Variants in HECW2 observed in about 807,000 individuals in gnomAD.
HECW2 encodes HECT, C2 and WW domain containing E3 ubiquitin protein ligase 2.
In HECW2, 61 loss-of-function variants were observed where a neutral mutation model predicts 175.2. That is an observed-to-expected ratio of 0.35 (90% confidence interval 0.28 to 0.43). The LOEUF (loss-of-function observed/expected upper bound fraction) is 0.43. HECW2 is among the 20% of genes least tolerant of loss of function. The pLI, the probability that HECW2 is intolerant of heterozygous loss-of-function variation, is 1.00. For missense variants in HECW2, 1,524 were observed against 2,000.5 expected, an observed-to-expected ratio of 0.76 and a Z score of 4.54; for synonymous variants, 671 against 731.0, an observed-to-expected ratio of 0.92 and a Z score of 1.32.
intron 1 of HECW2, among the ~76,000 whole-genome samples, chr2:196,472,361 G>A (rs1254583134): frequency 1.3e-5 from 2 of 151,114 alleles, no homozygotes; most frequent in African/African-American, 4.9e-5. Flanking sequence ...GGCGGGGGGC[G>A]CCTGTAATCC....
intron 1 of HECW2, among the ~76,000 whole-genome samples, chr2:196,557,255 C>T (rs1052177574): frequency 5.3e-5 from 8 of 151,962 alleles, no homozygotes; most frequent in African/African-American, 7.3e-5. Context: ...ATTAGCAGGG[C>T]GTGGTGGCAC....
chr2:196,373,707 G>A (rs1365406429), intron 2 of HECW2, among the ~76,000 whole-genome samples: 3 of 151,926 alleles, frequency 2.0e-5, no homozygotes, highest in Admixed American at 6.5e-5. Flanking sequence ...AAACAAAAAA[G>A]TAATGATTAT....
chr2:196,484,625 A>G lies in HECW2; in HGVS notation c.-35-51167T>C, dbSNP rs114305281. On this transcript the variant is annotated intron_variant, in intron 1 of 28. Transcript: ENST00000644978. ...AGACTTAGATAATACCATCCCAGGA[A>G]TCAAGGGGTCTCCAGAAAATGGCTC... Among the ~76,000 whole-genome samples, 566 of 152,290 alleles carry G rather than the reference A, an allele frequency of 3.7e-3. 1 individual carries two copies. Among genetic ancestry groups the G allele is most frequent in the African/African-American group, 0.013 (532 of 41,552 alleles).
intron 1 of HECW2, among the ~76,000 whole-genome samples, chr2:196,447,738 A>G (rs1351939423): frequency 2.0e-5 from 3 of 152,172 alleles, no homozygotes; most frequent in Non-Finnish European, 4.4e-5. Flanking sequence ...CTTGAAAAAA[A>G]TGAATTATCC....
intron 19 of HECW2, among the ~76,000 whole-genome samples, chr2:196,248,629 C>G (rs73987942): frequency 0.15 from 22,290 of 149,200 alleles, 3,947 homozygotes; most frequent in African/African-American, 0.43. Context: ...CACACACACA[C>G]ACAGAGAGAG....
intron 2 of HECW2, among the ~76,000 whole-genome samples, chr2:196,430,717 G>A (rs1405406419): frequency 6.6e-6 from 1 of 152,092 alleles, no homozygotes; most frequent in East Asian, 1.9e-4. Context: ...CTTGAAGATA[G>A]ATAAATAGAA....
intron 27 of HECW2, among the ~76,000 whole-genome samples, chr2:196,216,706 AC>A (rs1687488645): frequency 6.6e-6 from 1 of 152,146 alleles, no homozygotes; most frequent in African/African-American, 2.4e-5. Flanking sequence ...CACTTTGGGT[AC>A]CCTGGGTGCT....
intron 1 of HECW2, among the ~76,000 whole-genome samples, chr2:196,507,436 T>C (rs1389561313): frequency 1.3e-5 from 2 of 152,214 alleles, no homozygotes; most frequent in Non-Finnish European, 2.9e-5. Flanking sequence ...TTTAGCAATG[T>C]CTAGAGATAT....
intron 23 of HECW2, among the ~76,000 whole-genome samples, chr2:196,223,958 A>C (rs1266166226): frequency 6.6e-6 from 1 of 152,190 alleles, no homozygotes; most frequent in African/African-American, 2.4e-5. Context: ...AGGGGTGACA[A>C]ACGAACTCAT....
chr2:196,419,130 G>A (rs1336465913), intron 2 of HECW2, among the ~76,000 whole-genome samples: 1 of 152,184 alleles, frequency 6.6e-6, no homozygotes, highest in East Asian at 1.9e-4. Context: ...AGAGTGCAAT[G>A]GAAGGAAGAA....
At chr2:196,504,314 A>AG (rs1175089233) in intron 1 of HECW2, among the ~76,000 whole-genome samples, 1 of 149,994 alleles carries the variant, frequency 6.7e-6, no homozygotes, top group Admixed American at 6.6e-5. Context: ...AAAAAAAAAA[A>AG]GCTGGTGGAG....
At position 196,587,392 on chromosome 2, in the gene HECW2, T is replaced by G. The variant is rs144025371; in HGVS notation, c.-36+6116A>C. ...GTCATTGTCATATTTCCATTTGCAC[T>G]TTTCAATTTCAGCTACTGTTCTGAA... is the stretch of plus-strand genomic sequence containing the variant. On this transcript the variant is annotated intron_variant, in intron 1 of 28. Transcript: ENST00000644978. Among the ~76,000 whole-genome samples the G allele has an allele frequency of 4.7e-3, 722 of 152,362 alleles. 3 individuals carry two copies. The highest frequency in any genetic ancestry group is 0.016 in the African/African-American group (676 of 41,584).
rs1234958840 is a variant in HECW2 at position 196,242,196 on chromosome 2, G to A, written c.3538C>T (p.Arg1180Cys). The A allele has an allele frequency of 1.9e-6, 3 of 1,614,142 alleles. No homozygotes were observed. Among genetic ancestry groups the A allele is most frequent in the Admixed American group, 1.7e-5 (1 of 60,022 alleles). Residue 1180 changes from arginine (R) to cysteine (C), a missense_variant, in exon 20 of 29, where the codon CGT becomes TGT. Physicochemically the swap from Arg to Cys is radical, Grantham distance 180. Transcript: ENST00000644978. ...GGGGCTGGAGCCCGGGCATTGGCAC[G>A]CTGGGTACCTGCAGCAAACCACAAA... The part of the protein sequence containing the change: ...SSPQNSPGTQ[R>C]ANARAPAPYK...
chr2:196,225,653 A>T, intron 23 of HECW2, 119 bp downstream of exon 23: 1 of 640,700 alleles, frequency 1.6e-6, no homozygotes. Flanking sequence ...TATTAGGTTT[A>T]ATAACAACAA....
chr2:196,314,872 G>C (rs1691630477), intron 10 of HECW2, among the ~76,000 whole-genome samples: 1 of 152,212 alleles, frequency 6.6e-6, no homozygotes, highest in African/African-American at 2.4e-5. Context: ...AGACACCACA[G>C]AGTGTAGATG....
intron 19 of HECW2, among the ~76,000 whole-genome samples, chr2:196,253,371 C>T (rs1688929896): frequency 6.6e-6 from 1 of 152,132 alleles, no homozygotes; most frequent in African/African-American, 2.4e-5. Flanking sequence ...GCTCATCCAC[C>T]CATTCATCCA....
At chr2:196,379,659 T>C (rs1253290339) in intron 2 of HECW2, among the ~76,000 whole-genome samples, 1 of 135,358 alleles carries the variant, frequency 7.4e-6, no homozygotes, top group African/African-American at 3.0e-5. Context: ...CACTCCAGCC[T>C]GGGCGACAGA....
At chr2:196,423,190 T>C (rs1695451164) in intron 2 of HECW2, among the ~76,000 whole-genome samples, 1 of 152,118 alleles carries the variant, frequency 6.6e-6, no homozygotes, top group Non-Finnish European at 1.5e-5. Context: ...TACCAAAATA[T>C]TAATGATAGT....
intron 1 of HECW2, among the ~76,000 whole-genome samples, chr2:196,545,758 A>G (rs1303168241): frequency 6.6e-6 from 1 of 152,152 alleles, no homozygotes; most frequent in Non-Finnish European, 1.5e-5. Flanking sequence ...AAGCAATCAC[A>G]TTTCCCCTGT....
Sources: allele counts gnomAD v4.1 joint callset (sites outside exome capture counted in the v4.1 genomes callset), GRCh38; gene constraint gnomAD v4.1.1; transcripts MANE v1.5; gene names NCBI Gene and HGNC (gene_info 2026-07-23, HGNC 2026-07-21).